NKAIN3: variants seen among roughly 807,000 people sequenced by gnomAD.
NKAIN3 encodes the protein sodium/potassium-transporting ATPase subunit beta-1-interacting protein 3.
A neutral mutation model predicts 30.2 loss-of-function variants in NKAIN3; 25 were observed. The observed-to-expected ratio is 0.83, with a 90% CI of 0.60 to 1.16. The LOEUF (loss-of-function observed/expected upper bound fraction) is 1.16. Among genes scored for constraint, NKAIN3 ranks in the 50% most tolerant of loss-of-function variants. The probability of loss-of-function intolerance (pLI) is 0.00; values close to 1 mark genes in which losing one functional copy is unlikely to be tolerated. For missense variants in NKAIN3, 225 were observed against 254.1 expected (o/e 0.89, Z 0.78); for synonymous variants, 91 against 89.6 (o/e 1.02, Z -0.09).
intron 1 of NKAIN3, among the ~76,000 whole-genome samples, chr8:62,440,055 G>A (rs867160562): frequency 2.6e-5 from 4 of 151,976 alleles, no homozygotes; most frequent in Admixed American, 6.6e-5. Flanking sequence ...AGCCAAAATT[G>A]GGTCCTTTGC....
intron 1 of NKAIN3, among the ~76,000 whole-genome samples, chr8:62,455,717 AG>A (rs1331578234): frequency 2.0e-5 from 3 of 152,258 alleles, no homozygotes; most frequent in Admixed American, 6.5e-5. Flanking sequence ...AAAATGTTCA[AG>A]AAAATATCAA....
intron 4 of NKAIN3, among the ~76,000 whole-genome samples, chr8:62,805,035 T>G (rs542152608): frequency 1.9e-4 from 29 of 152,204 alleles, no homozygotes; most frequent in African/African-American, 2.6e-4. Flanking sequence ...AAATCATGAG[T>G]GAACTCCCAT....
chr8:62,426,458 A>T (rs1226761572), intron 1 of NKAIN3, among the ~76,000 whole-genome samples: 1 of 152,016 alleles, frequency 6.6e-6, no homozygotes, highest in East Asian at 1.9e-4. Context: ...TATTTATGAA[A>T]ACTCAATAGT....
chr8:62,500,500 A>G lies in NKAIN3; in HGVS notation c.55-79039A>G, dbSNP rs549099504. ...AAGAAAGAAAGAAGAAAAGAAAGAAAGAAAGAAGGAAAGAAAGAAAGAGTG... is the reference window on the plus strand; with the variant it reads ...AAGAAAGAAAGAAGAAAAGAAAGAAGGAAAGAAGGAAAGAAAGAAAGAGTG... On this transcript the variant is annotated intron_variant, in intron 1 of 6. Transcript: ENST00000623646. Among the ~76,000 whole-genome samples, 194 of 146,290 alleles carry G rather than the reference A, an allele frequency of 1.3e-3. 1 individual carries two copies. Among genetic ancestry groups the G allele is most frequent in the African/African-American group, 4.4e-3 (173 of 38,988 alleles).
At chr8:62,541,248 G>C (rs890741557) in intron 1 of NKAIN3, among the ~76,000 whole-genome samples, 1 of 152,086 alleles carries the variant, frequency 6.6e-6, no homozygotes. Context: ...ACCTGGGAGG[G>C]GGGAGGATGC....
At chr8:62,818,599 TG>T (rs1176314274) in intron 4 of NKAIN3, among the ~76,000 whole-genome samples, 43 of 152,286 alleles carry the variant, frequency 2.8e-4, no homozygotes, top group Non-Finnish European at 5.0e-4. Flanking sequence ...GCACCAATTA[TG>T]TGTCAAGCAC....
At chr8:62,943,508 C>T (rs2130885783) in intron 5 of NKAIN3, among the ~76,000 whole-genome samples, 1 of 152,078 alleles carries the variant, frequency 6.6e-6, no homozygotes, top group East Asian at 1.9e-4. Context: ...AAAAATAGAT[C>T]TGCCATTTGA....
At chr8:62,755,980 A>G (rs1436011585) in intron 4 of NKAIN3, among the ~76,000 whole-genome samples, 1 of 152,146 alleles carries the variant, frequency 6.6e-6, no homozygotes, top group African/African-American at 2.4e-5. Context: ...GGGGCCTGGA[A>G]CTGTCCATTT....
At chr8:62,606,312 G>A (rs1333333235) in intron 3 of NKAIN3, among the ~76,000 whole-genome samples, 4 of 151,892 alleles carry the variant, frequency 2.6e-5, no homozygotes, top group African/African-American at 7.2e-5. Flanking sequence ...GGCACAGTTC[G>A]GGAAAAAATG....
intron 3 of NKAIN3, among the ~76,000 whole-genome samples, chr8:62,624,087 G>A (rs1279409867): frequency 6.6e-6 from 1 of 152,036 alleles, no homozygotes; most frequent in African/African-American, 2.4e-5. Flanking sequence ...GTATCCTTTA[G>A]CATGAAAATA....
chr8:62,273,593 C>T (rs1013044232), intron 1 of NKAIN3, among the ~76,000 whole-genome samples: 2 of 152,100 alleles, frequency 1.3e-5, no homozygotes, highest in South Asian at 2.1e-4. Context: ...ATTTCCTTCC[C>T]GAAATCAAGA....
chr8:62,557,800 G>T (rs1273069873), intron 1 of NKAIN3, among the ~76,000 whole-genome samples: 2 of 152,168 alleles, frequency 1.3e-5, no homozygotes, highest in Admixed American at 1.3e-4. Context: ...GTACATTCTG[G>T]ATATTAGTCC....
At chr8:62,530,729 C>T (rs746474159) in intron 1 of NKAIN3, among the ~76,000 whole-genome samples, 1 of 152,064 alleles carries the variant, frequency 6.6e-6, no homozygotes, top group East Asian at 1.9e-4. Context: ...ACCTCCGCCT[C>T]CCAGATTCAA....
intron 1 of NKAIN3, among the ~76,000 whole-genome samples, chr8:62,455,334 G>A (rs1290868650): frequency 6.6e-6 from 1 of 152,198 alleles, no homozygotes; most frequent in Non-Finnish European, 1.5e-5. Flanking sequence ...CTACTATGCA[G>A]TCATCAAAAG....
chr8:62,833,131 C>A (rs758048149), intron 4 of NKAIN3, among the ~76,000 whole-genome samples: 13 of 151,960 alleles, frequency 8.6e-5, no homozygotes, highest in East Asian at 1.9e-4. Context: ...TGAAAAAATT[C>A]TTTGAAATAA....
chr8:62,739,952 C>T (rs1025158270), intron 3 of NKAIN3, among the ~76,000 whole-genome samples: 5 of 152,136 alleles, frequency 3.3e-5, no homozygotes, highest in Admixed American at 2.0e-4. Context: ...ATGACAGACA[C>T]TCCTAATGAA....
chr8:62,420,305 A>C (rs1025983015), intron 1 of NKAIN3, among the ~76,000 whole-genome samples: 1 of 152,234 alleles, frequency 6.6e-6, no homozygotes, highest in African/African-American at 2.4e-5. Context: ...GACTACTGCT[A>C]TTCTCACTTA....
At position 62,965,876 on chromosome 8, in the gene NKAIN3, T is replaced by C. The variant is rs191931710; in HGVS notation, c.*469T>C. 2.8e-3 allele frequency: 2,792 copies of C among 985,232 alleles called. 5 individuals are homozygous for C. The highest frequency in any genetic ancestry group is 3.2e-3 in the Non-Finnish European group (2,636 of 829,758). 61.0% of individuals were successfully genotyped at this position (985,232 alleles called of 1,614,324 possible). ...GGTAGACCCTGTGACAGCTGATAAA[T>C]AGGTACAAATAATGGATCCAGCTTT... On this transcript the variant is annotated 3_prime_UTR_variant, in exon 7 of 7. Transcript: ENST00000623646.
intron 3 of NKAIN3, among the ~76,000 whole-genome samples, chr8:62,671,425 A>G (rs888656141): frequency 1.1e-4 from 17 of 152,204 alleles, no homozygotes; most frequent in Admixed American, 7.2e-4. Flanking sequence ...TCTCTTCTTC[A>G]TGACATCAGA....
Sources: allele counts gnomAD v4.1 joint callset (sites outside exome capture counted in the v4.1 genomes callset), GRCh38; gene constraint gnomAD v4.1.1; transcripts MANE v1.5; gene names NCBI Gene and HGNC (gene_info 2026-07-23, HGNC 2026-07-21).